Variants in ANKRD55 observed in about 807,000 individuals in gnomAD.
ANKRD55 encodes ankyrin repeat domain 55.
Under a neutral mutation model 60.6 loss-of-function variants are expected in ANKRD55, and 41 were observed. The ratio of observed to expected loss-of-function variants is 0.68; its 90% CI spans 0.53 to 0.88. ANKRD55 has a LOEUF of 0.88. ANKRD55 is among the 40% of genes least tolerant of loss of function. ANKRD55 has a pLI of 0.00. For synonymous variants in ANKRD55, 264 were observed against 290.3 expected (o/e 0.91, Z 0.92); for missense variants, 732 against 767.6 (o/e 0.95, Z 0.55).
chr5:56,183,433 T>C lies in ANKRD55; in HGVS notation c.181+79A>G, dbSNP rs1303120715. On this transcript the variant is annotated intron_variant, in intron 3 of 11. Transcript: ENST00000341048. ...AATGGCTGGTCAGATATACATTTAT[T>C]AACATTGCTCATGTCTGAAGGCCAT... 9.0e-6 allele frequency: 14 copies of C among 1,561,720 alleles called. No homozygotes were observed. The East Asian group carries it at 3.2e-4, about 35-fold the overall frequency.
chr5:56,182,136 G>A (rs180934431), intron 3 of ANKRD55, among the ~76,000 whole-genome samples: 1 of 152,276 alleles, frequency 6.6e-6, no homozygotes, highest in East Asian at 1.9e-4. Flanking sequence ...TCTGCCAGGT[G>A]AGGTGGCTCA....
intron 2 of ANKRD55, among the ~76,000 whole-genome samples, chr5:56,225,262 G>A (rs144750605): frequency 6.6e-6 from 1 of 152,104 alleles, no homozygotes; most frequent in Admixed American, 6.6e-5. Context: ...ATGCAGAAAA[G>A]GCTTTCGACA....
chr5:56,189,744 T>A (rs1759050240), intron 2 of ANKRD55, among the ~76,000 whole-genome samples: 1 of 152,222 alleles, frequency 6.6e-6, no homozygotes, highest in South Asian at 2.1e-4. Flanking sequence ...ACTTGCGTTG[T>A]TCCCATCTTT....
intron 2 of ANKRD55, among the ~76,000 whole-genome samples, chr5:56,199,846 G>T (rs571772410): frequency 6.8e-6 from 1 of 147,622 alleles, no homozygotes; most frequent in Non-Finnish European, 1.5e-5. Flanking sequence ...AGCCGAGATC[G>T]CACCACTACA....
intron 6 of ANKRD55, among the ~76,000 whole-genome samples, chr5:56,148,659 T>A (rs1757960117): frequency 6.6e-6 from 1 of 151,926 alleles, no homozygotes; most frequent in Admixed American, 6.6e-5. Flanking sequence ...AGAACATTTT[T>A]TTTTTTTCAA....
At chr5:56,140,221 T>C (rs1342219702) in intron 7 of ANKRD55, among the ~76,000 whole-genome samples, 1 of 152,236 alleles carries the variant, frequency 6.6e-6, no homozygotes, top group Non-Finnish European at 1.5e-5. Context: ...GCTAGCCCTG[T>C]GTTATAAATG....
intron 6 of ANKRD55, among the ~76,000 whole-genome samples, chr5:56,151,192 G>A (rs1388047285): frequency 6.6e-6 from 1 of 152,100 alleles, no homozygotes; most frequent in Non-Finnish European, 1.5e-5. Flanking sequence ...GTTATCCATA[G>A]GTTTCACAAA....
At chr5:56,218,014 A>G (rs1759865561) in intron 2 of ANKRD55, among the ~76,000 whole-genome samples, 1 of 152,228 alleles carries the variant, frequency 6.6e-6, no homozygotes, top group African/African-American at 2.4e-5. Flanking sequence ...AAGTAACTGC[A>G]GATGTAGTGG....
intron 7 of ANKRD55, among the ~76,000 whole-genome samples, chr5:56,141,420 GATGGC>G (rs906285979): frequency 6.6e-6 from 1 of 152,164 alleles, no homozygotes; most frequent in Non-Finnish European, 1.5e-5. Context: ...GAAAAATATT[GATGGC>G]TGGGCCCCAC....
intron 6 of ANKRD55, among the ~76,000 whole-genome samples, chr5:56,157,243 A>G (rs1007402396): frequency 3.9e-5 from 6 of 152,232 alleles, no homozygotes; most frequent in Non-Finnish European, 7.3e-5. Flanking sequence ...GCTTGTTAAA[A>G]GTCATCACCA....
At chr5:56,222,339 A>G (rs1389048802) in intron 2 of ANKRD55, among the ~76,000 whole-genome samples, 2 of 152,200 alleles carry the variant, frequency 1.3e-5, no homozygotes, top group South Asian at 2.1e-4. Context: ...CCAAAACCCC[A>G]TCTGTATGTC....
chr5:56,230,207 G>C (rs1249651742), intron 2 of ANKRD55, among the ~76,000 whole-genome samples: 1 of 152,064 alleles, frequency 6.6e-6, no homozygotes, highest in Non-Finnish European at 1.5e-5. Flanking sequence ...GCGATTTCCT[G>C]CCTCAGCCTC....
chr5:56,231,357 G>A (rs552637065), intron 2 of ANKRD55, among the ~76,000 whole-genome samples: 22 of 152,258 alleles, frequency 1.4e-4, no homozygotes, highest in Admixed American at 2.6e-4. Context: ...CTGTTAGAAG[G>A]TACAGCACTG....
chr5:56,173,421 C>T (rs1216219922), intron 4 of ANKRD55, among the ~76,000 whole-genome samples: 1 of 151,572 alleles, frequency 6.6e-6, no homozygotes, highest in Non-Finnish European at 1.5e-5. Context: ...TGGTCAGGAA[C>T]TCCTGACCTC....
At chr5:56,128,276 C>T (rs1415930803) in intron 7 of ANKRD55, among the ~76,000 whole-genome samples, 1 of 152,124 alleles carries the variant, frequency 6.6e-6, no homozygotes, top group Non-Finnish European at 1.5e-5. Flanking sequence ...TCATAGTTTC[C>T]CCTCTTGGTA....
At chr5:56,141,151 A>C (rs554383574) in intron 7 of ANKRD55, among the ~76,000 whole-genome samples, 1 of 31,170 alleles carries the variant, frequency 3.2e-5, no homozygotes, top group Non-Finnish European at 7.3e-5. Flanking sequence ...TTTTTTTTTT[A>C]TATAGAGATG....
chr5:56,223,488 A>C (rs1019249660), intron 2 of ANKRD55, among the ~76,000 whole-genome samples: 1 of 152,232 alleles, frequency 6.6e-6, no homozygotes, highest in Admixed American at 6.5e-5. Flanking sequence ...GACAGGATCA[A>C]ATTCACACAT....
intron 8 of ANKRD55, 78 bp downstream of exon 8, chr5:56,126,844 T>A: frequency 2.0e-6 from 3 of 1,493,790 alleles, no homozygotes; most frequent in Non-Finnish European, 2.7e-6. Flanking sequence ...GGACACCTCC[T>A]TAAACATCTC....
At chr5:56,146,522 A>T (rs1165900175) in intron 6 of ANKRD55, among the ~76,000 whole-genome samples, 1 of 152,096 alleles carries the variant, frequency 6.6e-6, no homozygotes, top group African/African-American at 2.4e-5. Flanking sequence ...TGACCTTAGC[A>T]GCCCACCTCA....
Sources: gnomAD v4.1 joint callset for allele counts (sites outside exome capture counted in the v4.1 genomes callset) on GRCh38, gnomAD v4.1.1 for gene constraint, MANE v1.5 for transcripts, NCBI Gene and HGNC (gene_info 2026-07-23, HGNC 2026-07-21) for gene names.